The following SNX8 variants were observed in gnomAD, a reference collection of about 807,000 sequenced individuals.
SNX8 encodes sorting nexin-8.
In SNX8, 25 loss-of-function variants were observed where a neutral mutation model predicts 51.6. The observed-to-expected ratio is 0.48, with a 90% confidence interval of 0.35 to 0.68. The LOEUF is 0.68. SNX8 is among the 30% of genes least tolerant of loss of function. The pLI, the probability that SNX8 is intolerant of heterozygous loss-of-function variation, is 0.00. For missense variants in SNX8, 695 were observed against 624.0 expected (o/e 1.11, Z -1.21); for synonymous variants, 324 against 277.0 (o/e 1.17, Z -1.68).
intron 1 of SNX8, among the ~76,000 whole-genome samples, chr7:2,320,199 T>C (rs1796811552): frequency 6.6e-6 from 1 of 150,538 alleles, no homozygotes; most frequent in African/African-American, 2.4e-5. Flanking sequence ...CTACTAAAAA[T>C]ACAAAATTAG....
intron 1 of SNX8, among the ~76,000 whole-genome samples, chr7:2,303,114 C>T (rs1217348320): frequency 7.2e-6 from 1 of 138,518 alleles, no homozygotes; most frequent in East Asian, 2.4e-4. Context: ...GTGGGGGGGT[C>T]AGCCCCCCGC....
intron 1 of SNX8, among the ~76,000 whole-genome samples, chr7:2,351,555 A>G (rs150213220): frequency 0.028 from 4,200 of 151,908 alleles, 173 homozygotes; most frequent in African/African-American, 0.096. Context: ...ATAATAGGCC[A>G]GGCGCAGTGG....
At chr7:2,328,022 T>C (rs964705358) in intron 1 of SNX8, among the ~76,000 whole-genome samples, 13 of 152,114 alleles carry the variant, frequency 8.5e-5, no homozygotes, top group African/African-American at 2.9e-4. Flanking sequence ...CGCACCACCA[T>C]GTCCAACCTA....
chr7:2,268,452 G>T (rs1309886900), intron 5 of SNX8, among the ~76,000 whole-genome samples: 1 of 143,848 alleles, frequency 7.0e-6, no homozygotes, highest in Non-Finnish European at 1.5e-5. Flanking sequence ...AGGGAGGTGG[G>T]GGGGGTCAGC....
chr7:2,290,669 C>A (rs538645793), intron 1 of SNX8, among the ~76,000 whole-genome samples: 1 of 152,172 alleles, frequency 6.6e-6, no homozygotes, highest in Admixed American at 6.5e-5. Context: ...AGCCGCATGC[C>A]CTCCCAGCAC....
chr7:2,314,237 G>A (rs1420310838), intron 1 of SNX8, 91 bp downstream of exon 1: 6 of 1,194,188 alleles, frequency 5.0e-6, no homozygotes, highest in Non-Finnish European at 6.2e-6. Flanking sequence ...AACGAGTCGG[G>A]GACCAAGCGC....
chr7:2,288,016 T>C (rs1274683426), intron 1 of SNX8: 1 of 152,364 alleles, frequency 6.6e-6, no homozygotes, highest in Non-Finnish European at 1.5e-5. Context: ...TGTTGTCATG[T>C]GTTCTGGACC....
chr7:2,322,159 C>T (rs1321167547), intron 1 of SNX8, among the ~76,000 whole-genome samples: 3 of 152,160 alleles, frequency 2.0e-5, no homozygotes, highest in Non-Finnish European at 4.4e-5. Context: ...ATGGACAGAA[C>T]TTAGCATGCA....
intron 1 of SNX8, among the ~76,000 whole-genome samples, chr7:2,337,630 CAGAG>C (rs1778854137): frequency 1.3e-5 from 2 of 151,946 alleles, no homozygotes; most frequent in Non-Finnish European, 1.5e-5. Context: ...GGGAAGCAGA[CAGAG>C]AGCAATGCCT....
chr7:2,291,167 G>A (rs764160909), intron 1 of SNX8, among the ~76,000 whole-genome samples: 1 of 152,144 alleles, frequency 6.6e-6, no homozygotes, highest in Non-Finnish European at 1.5e-5. Context: ...AGGCGTGGTG[G>A]TGTGAATCTG....
chr7:2,257,607 A>G (rs763804876), intron 8 of SNX8, 93 bp from the exon 9 acceptor site: 2 of 1,571,238 alleles, frequency 1.3e-6, no homozygotes, highest in South Asian at 2.2e-5. Context: ...GCCAGACGGA[A>G]GGCCCCGTCT....
chr7:2,314,759 T>A (rs1168418072), upstream of SNX8, among the ~76,000 whole-genome samples: 1 of 152,162 alleles, frequency 6.6e-6, no homozygotes, highest in African/African-American at 2.4e-5. Context: ...CCATCTCTCC[T>A]CGCCCAGTCA....
chr7:2,350,809 G>C (rs1030928895), intron 1 of SNX8, among the ~76,000 whole-genome samples: 7 of 151,966 alleles, frequency 4.6e-5, no homozygotes, highest in African/African-American at 1.7e-4. Flanking sequence ...GCCACACCCG[G>C]CTAAATTTTG....
chr7:2,259,893 A>G lies in SNX8; in HGVS notation c.916-2090T>C, dbSNP rs916222789. 3.9e-5 allele frequency among the ~76,000 whole-genome samples: 6 copies of G among 152,106 alleles called. No homozygotes were observed. In the East Asian group the frequency reaches 5.8e-4, roughly 15 times the overall value. Reference sequence around the variant, plus strand: ...CAAGGCCCTAAACCAGGGGTGTCCAATGTTTTGGCTTCCCAGGGCCACATT... The same window carrying G: ...CAAGGCCCTAAACCAGGGGTGTCCAGTGTTTTGGCTTCCCAGGGCCACATT... On this transcript the variant is annotated intron_variant, in intron 7 of 10. Coordinates refer to ENST00000222990, the MANE Select transcript of SNX8 (RefSeq NM_013321.4).
At chr7:2,274,083 A>T (rs2115127512) in intron 3 of SNX8, among the ~76,000 whole-genome samples, 1 of 152,198 alleles carries the variant, frequency 6.6e-6, no homozygotes, top group South Asian at 2.1e-4. Context: ...GCGCTCATCA[A>T]CTCGGATGCC....
chr7:2,318,846 TA>T (rs58345834), upstream of SNX8, among the ~76,000 whole-genome samples: 54,561 of 131,274 alleles, frequency 0.42, 11,943 homozygotes, highest in African/African-American at 0.65. Flanking sequence ...ACCCCATCTC[TA>T]AAAAAAAAAA....
chr7:2,354,480 C>A (rs1016891070), upstream of SNX8, among the ~76,000 whole-genome samples: 1 of 152,200 alleles, frequency 6.6e-6, no homozygotes, highest in Admixed American at 6.5e-5. Context: ...GGACATTTTC[C>A]TAGCATTCCG....
chr7:2,257,950 G>GC (rs35487725), intron 7 of SNX8, 147 bp from the exon 8 acceptor site: 2 of 688,996 alleles, frequency 2.9e-6, no homozygotes, highest in Non-Finnish European at 2.5e-6. Context: ...TCTGCAGGGG[G>GC]CCCCCTTCCC....
intron 1 of SNX8, among the ~76,000 whole-genome samples, chr7:2,287,277 A>C (rs933245543): frequency 2.6e-5 from 4 of 151,404 alleles, no homozygotes; most frequent in Non-Finnish European, 5.9e-5. Context: ...ACTGATGAAA[A>C]AAATATTAAA....
Sources: gnomAD v4.1 joint callset for allele counts (sites outside exome capture counted in the v4.1 genomes callset) on GRCh38, gnomAD v4.1.1 for gene constraint, MANE v1.5 for transcripts, NCBI Gene and HGNC (gene_info 2026-07-23, HGNC 2026-07-21) for gene names.